Variants in RBFOX1 observed in about 807,000 individuals in gnomAD.
RBFOX1 encodes RNA binding protein fox-1 homolog 1.
Under a neutral mutation model 57.7 loss-of-function variants are expected in RBFOX1, and 8 were observed. That is an observed-to-expected ratio of 0.14 (90% CI 0.08 to 0.25). RBFOX1 has a LOEUF of 0.25. Ranked by LOEUF, RBFOX1 falls within the 10% of genes least tolerant of loss-of-function variation. The pLI, the probability that RBFOX1 is intolerant of heterozygous loss-of-function variation, is 1.00. For missense variants in RBFOX1, 611 were observed against 548.5 expected (o/e 1.11, Z -1.14); for synonymous variants, 326 against 222.4 (o/e 1.47, Z -4.15).
At chr16:6,859,033 T>A (rs2058408675) in intron 3 of RBFOX1, among the ~76,000 whole-genome samples, 1 of 149,800 alleles carries the variant, frequency 6.7e-6, no homozygotes, top group Admixed American at 6.7e-5. Flanking sequence ...TATGTATAAG[T>A]GCCAGGACTG....
chr16:6,114,575 GC>G (rs1410587308), intron 1 of RBFOX1, among the ~76,000 whole-genome samples: 5 of 151,684 alleles, frequency 3.3e-5, no homozygotes, highest in Non-Finnish European at 7.4e-5. Flanking sequence ...CTTGGAGGGG[GC>G]GTAACTTATG....
chr16:6,720,747 T>G (rs1376552006), intron 3 of RBFOX1, among the ~76,000 whole-genome samples: 1 of 152,172 alleles, frequency 6.6e-6, no homozygotes, highest in Non-Finnish European at 1.5e-5. Flanking sequence ...ATGAGCTTCA[T>G]TTCTGAGTGT....
chr16:6,582,646 T>G (rs1004704652), intron 2 of RBFOX1, among the ~76,000 whole-genome samples: 4 of 152,002 alleles, frequency 2.6e-5, no homozygotes, highest in African/African-American at 9.7e-5. Context: ...AATAAGGATT[T>G]AGTCTTTTTT....
At chr16:5,560,755 A>G (rs2045861517) in intron 2 of RBFOX1, among the ~76,000 whole-genome samples, 1 of 152,132 alleles carries the variant, frequency 6.6e-6, no homozygotes, top group South Asian at 2.1e-4. Context: ...ACTTCTCTGG[A>G]CAAGATACCT....
At chr16:5,916,319 T>C (rs780200102) in intron 4 of RBFOX1, among the ~76,000 whole-genome samples, 8 of 152,166 alleles carry the variant, frequency 5.3e-5, no homozygotes, top group Non-Finnish European at 8.8e-5. Flanking sequence ...GAGTTTGTCT[T>C]CTATTTGTTT....
intron 4 of RBFOX1, among the ~76,000 whole-genome samples, chr16:7,130,604 T>C (rs373967917): frequency 1.3e-5 from 2 of 152,170 alleles, no homozygotes; most frequent in African/African-American, 4.8e-5. Flanking sequence ...GATAAGCATA[T>C]GTAGGGTCTG....
rs549645772 is a variant in RBFOX1, at chr16:6,455,151, C to G, written c.-64+138094C>G. Among the ~76,000 whole-genome samples the G allele has an allele frequency of 2.0e-5, 3 of 151,858 alleles. No individual in the cohort carries two copies. In the South Asian group the frequency reaches 6.3e-4, roughly 32 times the overall value. On this transcript the variant is annotated intron_variant, in intron 2 of 15. Transcript: ENST00000550418. ...CTCAGGATCCACCCGCCCTGGCCTCCCAAAGTGCTGGGATTACAGGCGTGA... is the reference window on the plus strand; with the variant it reads ...CTCAGGATCCACCCGCCCTGGCCTCGCAAAGTGCTGGGATTACAGGCGTGA...
intron 2 of RBFOX1, among the ~76,000 whole-genome samples, chr16:6,481,479 G>T (rs747964771): frequency 6.6e-6 from 1 of 152,208 alleles, no homozygotes; most frequent in African/African-American, 2.4e-5. Flanking sequence ...TCGGCCACCC[G>T]CACCATGCGT....
intron 4 of RBFOX1, among the ~76,000 whole-genome samples, chr16:5,904,874 G>C (rs1046842073): frequency 6.6e-6 from 1 of 150,614 alleles, no homozygotes; most frequent in African/African-American, 2.4e-5. Context: ...CTACTCGGGA[G>C]GCTGAGGCAG....
chr16:6,673,266 G>T (rs2098779142), intron 3 of RBFOX1, among the ~76,000 whole-genome samples: 1 of 152,062 alleles, frequency 6.6e-6, no homozygotes, highest in African/African-American at 2.4e-5. Context: ...TCATATCCCT[G>T]TACGAAGTTG....
chr16:6,674,529 T>A (rs2098788619), intron 3 of RBFOX1, among the ~76,000 whole-genome samples: 1 of 151,992 alleles, frequency 6.6e-6, no homozygotes, highest in Non-Finnish European at 1.5e-5. Flanking sequence ...GTCATGTTGA[T>A]CAGGATGGTG....
At chr16:6,892,824 C>G (rs1162911723) in intron 3 of RBFOX1, among the ~76,000 whole-genome samples, 2 of 114,096 alleles carry the variant, frequency 1.8e-5, no homozygotes, top group Non-Finnish European at 3.8e-5. Flanking sequence ...CTCTCTCTCT[C>G]TCTATTCTGC....
At chr16:6,378,316 G>T (rs951811593) in intron 2 of RBFOX1, among the ~76,000 whole-genome samples, 4 of 152,132 alleles carry the variant, frequency 2.6e-5, no homozygotes, top group African/African-American at 4.8e-5. Flanking sequence ...CATGCATCTG[G>T]GCCCAACAGA....
At chr16:6,657,934 TC>T (rs1222704706) in intron 3 of RBFOX1, among the ~76,000 whole-genome samples, 7 of 152,192 alleles carry the variant, frequency 4.6e-5, no homozygotes, top group African/African-American at 1.7e-4. Context: ...TTTTTATTTT[TC>T]TTTCACCTCC....
chr16:5,860,449 T>C (rs1444425226), intron 3 of RBFOX1, among the ~76,000 whole-genome samples: 6 of 152,134 alleles, frequency 3.9e-5, no homozygotes, highest in African/African-American at 1.2e-4. Flanking sequence ...GAGATTCAAA[T>C]TGGTTCAAGA....
At chr16:6,354,828 C>G (rs1340565294) in intron 2 of RBFOX1, among the ~76,000 whole-genome samples, 2 of 152,160 alleles carry the variant, frequency 1.3e-5, no homozygotes, top group African/African-American at 4.8e-5. Flanking sequence ...TGCTCATTAA[C>G]TACTGAAGGA....
chr16:7,663,036 C>T lies in RBFOX1; in HGVS notation c.891-1893C>T, dbSNP rs146271529. Among the ~76,000 whole-genome samples, 57 of 152,314 alleles carry T rather than the reference C, an allele frequency of 3.7e-4. 1 individual carries two copies. Among genetic ancestry groups the T allele is most frequent in the Admixed American group, 2.2e-3 (34 of 15,304 alleles). On this transcript the variant is annotated intron_variant, in intron 12 of 15. Coordinates refer to ENST00000550418, the MANE Select transcript of RBFOX1 (RefSeq NM_018723.4). Reference sequence around the variant, plus strand: ...GGCATTGCCAGCACAAGGCATTGCACGTGCAAGGGCATGGCAGCATGAAAG... The same window carrying T: ...GGCATTGCCAGCACAAGGCATTGCATGTGCAAGGGCATGGCAGCATGAAAG...
At chr16:6,929,006 C>G (rs183821255) in intron 3 of RBFOX1, among the ~76,000 whole-genome samples, 1 of 152,138 alleles carries the variant, frequency 6.6e-6, no homozygotes, top group African/African-American at 2.4e-5. Context: ...TTCACAGACA[C>G]GCATGCTTGA....
At chr16:6,075,745 GA>G (rs1358394778) in intron 1 of RBFOX1, among the ~76,000 whole-genome samples, 1 of 152,218 alleles carries the variant, frequency 6.6e-6, no homozygotes, top group East Asian at 1.9e-4. Flanking sequence ...CAAAGTCCCA[GA>G]AGGAACTTGG....
Sources: allele counts gnomAD v4.1 joint callset (sites outside exome capture counted in the v4.1 genomes callset), GRCh38; gene constraint gnomAD v4.1.1; transcripts MANE v1.5; gene names NCBI Gene and HGNC (gene_info 2026-07-23, HGNC 2026-07-21).